LRIG3: variants seen among roughly 807,000 people sequenced by gnomAD.
LRIG3 encodes the protein leucine-rich repeats and immunoglobulin-like domains protein 3.
LRIG3 carries 76 observed loss-of-function variants against 114.5 expected under a neutral mutation model. The observed-to-expected ratio is 0.66, with a 90% CI of 0.55 to 0.80. The LOEUF (loss-of-function observed/expected upper bound fraction) is 0.80. Among genes scored for constraint, LRIG3 ranks in the 30% least tolerant of loss-of-function variants. LRIG3 has a pLI of 0.00. For synonymous variants in LRIG3, 512 were observed against 519.8 expected (o/e 0.98, Z 0.20); for missense variants, 1,239 against 1,382.8 (o/e 0.90, Z 1.65).
chr12:58,910,882 A>T (rs537082676), intron 3 of LRIG3, among the ~76,000 whole-genome samples: 1 of 152,336 alleles, frequency 6.6e-6, no homozygotes, highest in South Asian at 2.1e-4. Flanking sequence ...CGAGCAGGTC[A>T]TTCCACACCA....
chr12:58,901,345 C>G (rs748234367), intron 3 of LRIG3, among the ~76,000 whole-genome samples: 1 of 152,182 alleles, frequency 6.6e-6, no homozygotes, highest in Non-Finnish European at 1.5e-5. Flanking sequence ...ATAAGTCAGA[C>G]CACATCTCAG....
At chr12:58,913,855 T>A (rs10783927) in intron 3 of LRIG3, 127 bp downstream of exon 3, 89,926 of 727,670 alleles carry the variant, frequency 0.12, 7,244 homozygotes, top group Admixed American at 0.27. Flanking sequence ...TTAAAGCGCG[T>A]ATCTTTACTA....
At chr12:58,918,898 G>A (rs868272726) in intron 1 of LRIG3, among the ~76,000 whole-genome samples, 2 of 152,180 alleles carry the variant, frequency 1.3e-5, no homozygotes. Flanking sequence ...ATTCACAAAA[G>A]TTATTTAGAT....
chr12:58,888,040 A>C, intron 7 of LRIG3, 108 bp from the exon 8 acceptor site: 1 of 981,124 alleles, frequency 1.0e-6, no homozygotes, highest in Non-Finnish European at 1.5e-6. Flanking sequence ...CTTATTTTTA[A>C]ATTCTGCCTT....
At chr12:58,876,247 G>A (rs1870912713) in intron 16 of LRIG3, among the ~76,000 whole-genome samples, 198 bp downstream of exon 16, 1 of 151,938 alleles carries the variant, frequency 6.6e-6, no homozygotes, top group African/African-American at 2.4e-5. Context: ...TTTTTTTATT[G>A]TTAGAAACAA....
Position 58,880,700 on chromosome 12 carries a change from T to C in LRIG3, c.1682A>G (p.Glu561Gly). The change falls in exon 13 of 19, where the codon GAG becomes GGG. Residue 561 changes from glutamate to glycine, a missense_variant. Physicochemically the swap from Glu to Gly is moderately conservative, Grantham distance 98. Coordinates refer to ENST00000320743, the MANE Select transcript of LRIG3 (RefSeq NM_153377.5). ...HLRAQGGEVM[E>G]YTTILRLREV... is the part of the protein sequence containing the mutation. The stretch of plus-strand genomic sequence containing the variant: ...GCGCAGCCGAAGGATGGTGGTATAC[T>C]CCATCACCTCGCCACCTTGGGCCCG... The C allele has an allele frequency of 6.2e-7, 1 of 1,614,212 alleles. No homozygotes were observed. Among genetic ancestry groups the C allele is most frequent in the East Asian group, 2.2e-5 (1 of 44,878 alleles).
At chr12:58,877,978 C>T in intron 14 of LRIG3, 126 bp from the exon 15 acceptor site, 2 of 907,784 alleles carry the variant, frequency 2.2e-6, no homozygotes, top group South Asian at 3.6e-5. Flanking sequence ...ACTGGACACA[C>T]TTTTCTAAGA....
chr12:58,876,025 C>T (rs1870904239), intron 16 of LRIG3, among the ~76,000 whole-genome samples: 1 of 152,186 alleles, frequency 6.6e-6, no homozygotes, highest in Non-Finnish European at 1.5e-5. Flanking sequence ...GCACTCCAGC[C>T]TGGGTGACAG....
chr12:58,877,483 C>G lies in LRIG3; in HGVS notation c.2453G>C (p.Cys818Ser). The change falls in exon 15 of 19, where the codon TGT (cysteine) becomes TCT (serine). Residue 818 changes from cysteine (C) to serine (S), a missense_variant. Cys to Ser is a moderately radical substitution (Grantham distance 112). Transcript: ENST00000320743. ...VGVVIIAVVC[C>S]VVGTSLVWVV... is the part of the protein sequence containing the mutation. ...CCACACGAGTGACGTGCCCACCACA[C>G]AGCAAACCACGGCTATGATCACGAC... 2 of 1,614,210 alleles carry G rather than the reference C, an allele frequency of 1.2e-6. No individual in the cohort carries two copies. The highest frequency in any genetic ancestry group is 1.7e-5 in the Admixed American group (1 of 60,026).
At position 58,886,889 on chromosome 12, in the gene LRIG3, C is replaced by G; in HGVS notation, c.1093G>C (p.Asp365His). The change falls in exon 9 of 19, where the codon GAT (aspartate) becomes CAT (histidine). Residue 365 changes from aspartate (D) to histidine (H), a missense_variant and splice_region_variant. By Grantham distance (81) the Asp-to-His change is moderately conservative. Coordinates refer to ENST00000320743, the MANE Select transcript of LRIG3 (RefSeq NM_153377.5). ...FRGLSSLKTL[D>H]LKNNEISWTI... ...CAGGAAATTTCATTGTTCTTCAGAT[C>G]CCTAATTTTAAAAGAAGCATTCCCT... 1 of 1,612,174 alleles carries G rather than the reference C, an allele frequency of 6.2e-7. No homozygotes were observed. Among genetic ancestry groups the G allele is most frequent in the Non-Finnish European group, 8.5e-7 (1 of 1,178,572 alleles).
At chr12:58,912,872 GT>G (rs1056455340) in intron 3 of LRIG3, among the ~76,000 whole-genome samples, 6 of 152,214 alleles carry the variant, frequency 3.9e-5, no homozygotes, top group Non-Finnish European at 8.8e-5. Flanking sequence ...GCATAAAAAT[GT>G]TTTTTAAATA....
In LRIG3 at chr12:58,872,423, T is replaced by C. The variant is rs1870765734; in HGVS notation, c.*149A>G. The C allele has an allele frequency of 2.4e-6, 2 of 830,354 alleles. No homozygotes were observed. Among genetic ancestry groups the C allele is most frequent in the Non-Finnish European group, 3.3e-6 (2 of 603,536 alleles). 51.4% of individuals were successfully genotyped at this position (830,354 alleles called of 1,614,324 possible). A position where few individuals can be genotyped will look rare whatever the true frequency, so the allele number is the denominator to read the frequency against. On this transcript the variant is annotated 3_prime_UTR_variant, in exon 19 of 19. Transcript: ENST00000320743. ...TTCCCAGTATAAAAATTTTCATAAC[T>C]TTTTGTAATTTTGGTTCATCTGTAT...
At chr12:58,873,420 A>C (rs1370536151) in intron 18 of LRIG3, 1 of 153,022 alleles carries the variant, frequency 6.5e-6, no homozygotes, top group Non-Finnish European at 1.5e-5. Flanking sequence ...TTTATTGTCA[A>C]CATGGCAAGT....
intron 1 of LRIG3, chr12:58,919,684 T>C: frequency 8.9e-7 from 1 of 1,128,862 alleles, no homozygotes; most frequent in Non-Finnish European, 1.2e-6. Flanking sequence ...AGCAAGCATT[T>C]GAACCCCTTG....
At chr12:58,876,299 C>A in intron 16 of LRIG3, 146 bp downstream of exon 16, 2 of 758,478 alleles carry the variant, frequency 2.6e-6, no homozygotes, top group Non-Finnish European at 4.2e-6. Flanking sequence ...CGGTATAGAA[C>A]TATACAATTT....
intron 3 of LRIG3, among the ~76,000 whole-genome samples, chr12:58,894,877 G>A (rs1345131639): frequency 6.6e-6 from 1 of 152,144 alleles, no homozygotes; most frequent in African/African-American, 2.4e-5. Context: ...TTTGTTGATA[G>A]TACAGGGAGT....
At chr12:58,877,271 T>C in intron 15 of LRIG3, 129 bp downstream of exon 15, 1 of 900,834 alleles carries the variant, frequency 1.1e-6, no homozygotes, top group Non-Finnish European at 1.7e-6. Context: ...ATCATATTTC[T>C]GCAGCTTGAA....
At chr12:58,886,710 T>C in intron 9 of LRIG3, 100 bp downstream of exon 9, 4 of 935,796 alleles carry the variant, frequency 4.3e-6, no homozygotes, top group Non-Finnish European at 6.7e-6. Flanking sequence ...AAGCACTGAT[T>C]TCTCATCTCT....
chr12:58,905,747 C>T (rs1158807755), intron 3 of LRIG3, among the ~76,000 whole-genome samples: 2 of 152,128 alleles, frequency 1.3e-5, no homozygotes, highest in East Asian at 1.9e-4. Flanking sequence ...CCTGAGCTAT[C>T]GTGTTCAGGC....
Sources: gnomAD v4.1 joint callset for allele counts (sites outside exome capture counted in the v4.1 genomes callset) on GRCh38, gnomAD v4.1.1 for gene constraint, MANE v1.5 for transcripts, NCBI Gene and HGNC (gene_info 2026-07-23, HGNC 2026-07-21) for gene names.